The following GREM2 variants were observed in gnomAD, a reference collection of about 807,000 sequenced individuals.
GREM2 encodes the protein gremlin-2.
A neutral mutation model predicts 14.2 loss-of-function variants in GREM2; 11 were observed. That is an observed-to-expected ratio of 0.78 (90% CI 0.49 to 1.28). The LOEUF is 1.28. Ranked by LOEUF, GREM2 falls within the 50% of genes most tolerant of loss-of-function variation. The pLI, the probability that GREM2 is intolerant of heterozygous loss-of-function variation, is 0.00. For synonymous variants in GREM2, 98 were observed against 97.6 expected (o/e 1.00, Z -0.02); for missense variants, 210 against 218.5 (o/e 0.96, Z 0.24).
intron 1 of GREM2, among the ~76,000 whole-genome samples, chr1:240,598,091 CCAA>C (rs1430980768): frequency 6.6e-6 from 1 of 152,100 alleles, no homozygotes; most frequent in African/African-American, 2.4e-5. Context: ...CCTCAATTGG[CCAA>C]CGTTTTAATC....
At chr1:240,507,170 G>A (rs951878871) in intron 1 of GREM2, among the ~76,000 whole-genome samples, 4 of 152,192 alleles carry the variant, frequency 2.6e-5, no homozygotes, top group African/African-American at 9.6e-5. Flanking sequence ...AGCTCTGTGT[G>A]GGTAATAAGA....
chr1:240,609,491 G>A (rs1466963254), intron 1 of GREM2, among the ~76,000 whole-genome samples: 2 of 151,910 alleles, frequency 1.3e-5, no homozygotes, highest in Admixed American at 6.6e-5. Flanking sequence ...AGAAGAAGAT[G>A]GCACCATAGG....
At chr1:240,502,193 A>G (rs1462908930) in intron 1 of GREM2, among the ~76,000 whole-genome samples, 9 of 152,096 alleles carry the variant, frequency 5.9e-5, no homozygotes, top group Admixed American at 5.9e-4. Context: ...AAATGCTTTG[A>G]ACAAAATCAA....
At position 240,492,771 on chromosome 1, in the gene GREM2, G is replaced by A. The variant is rs1677288555; in HGVS notation, c.*198C>T. On this transcript the variant is annotated 3_prime_UTR_variant, in exon 2 of 2. Coordinates refer to ENST00000318160, the MANE Select transcript of GREM2 (RefSeq NM_022469.4). ...GGGGCACAGGTGGGACCCGGGGTCG[G>A]TCAGGAACACATCAGCAAAAGCTCC... is the stretch of plus-strand genomic sequence containing the variant. 4.2e-6 allele frequency: 2 copies of A among 472,034 alleles called. No individual in the cohort carries two copies. Among genetic ancestry groups the A allele is most frequent in the South Asian group, 2.0e-4 (2 of 10,204 alleles). The allele number at this position is 472,034 out of a possible 1,614,324, so 29.2% of individuals were successfully genotyped here.
Position 240,490,728 on chromosome 1 carries a change from C to T in GREM2, c.*2241G>A, listed in dbSNP as rs80184698. ...CAATTGGGTTCGAAGAGAGTGTGCTCGTGTTTGCATTCTGTAAGTTCTTAG... is the reference window on the plus strand; with the variant it reads ...CAATTGGGTTCGAAGAGAGTGTGCTTGTGTTTGCATTCTGTAAGTTCTTAG... On this transcript the variant is annotated 3_prime_UTR_variant, in exon 2 of 2. Coordinates refer to ENST00000318160, the MANE Select transcript of GREM2 (RefSeq NM_022469.4). 0.011 allele frequency: 1,734 copies of T among 152,236 alleles called. 63 individuals are homozygous for T. The highest frequency in any genetic ancestry group is 0.074 in the East Asian group (381 of 5,158). 9.4% of individuals were successfully genotyped at this position (152,236 alleles called of 1,614,324 possible).
chr1:240,533,045 C>A (rs1449292203), intron 1 of GREM2, among the ~76,000 whole-genome samples: 1 of 152,158 alleles, frequency 6.6e-6, no homozygotes, highest in Non-Finnish European at 1.5e-5. Flanking sequence ...GACTATGATA[C>A]AGAAACTACC....
At chr1:240,534,219 A>T (rs1042283987) in intron 1 of GREM2, among the ~76,000 whole-genome samples, 1 of 152,220 alleles carries the variant, frequency 6.6e-6, no homozygotes, top group Non-Finnish European at 1.5e-5. Flanking sequence ...GAGCAAAAAA[A>T]TAGAGCATAC....
intron 1 of GREM2, among the ~76,000 whole-genome samples, chr1:240,506,218 T>C (rs958638313): frequency 7.9e-5 from 12 of 152,194 alleles, no homozygotes; most frequent in African/African-American, 2.7e-4. Context: ...AAAAATTTTA[T>C]GTCCACATGA....
Position 240,610,748 on chromosome 1 carries a change from A to C in GREM2, c.-2+1136T>G, listed in dbSNP as rs143866855. Among the ~76,000 whole-genome samples the C allele has an allele frequency of 1.0e-3, 154 of 152,300 alleles. 1 individual carries two copies. Among genetic ancestry groups the C allele is most frequent in the African/African-American group, 3.5e-3 (146 of 41,568 alleles). On this transcript the variant is annotated intron_variant, in intron 1 of 1. Coordinates refer to ENST00000318160, the MANE Select transcript of GREM2 (RefSeq NM_022469.4). ...GTTTAGACGAAAGGTAAGGTATTTG[A>C]TTGCCCCTGCACCTGCTGCAGAGCC...
intron 1 of GREM2, among the ~76,000 whole-genome samples, chr1:240,514,074 T>C (rs962499220): frequency 2.6e-5 from 4 of 151,660 alleles, no homozygotes; most frequent in Non-Finnish European, 5.9e-5. Flanking sequence ...GGTGAAACTA[T>C]GCCTCTACAA....
chr1:240,491,152 A>G lies in GREM2; in HGVS notation c.*1817T>C, dbSNP rs1441856796. Reference sequence around the variant, plus strand: ...CAGAAATGACAGAAATGCACCTTGCAGTGCAGTGGCCTGAGATAGATTCAC... The same window carrying G: ...CAGAAATGACAGAAATGCACCTTGCGGTGCAGTGGCCTGAGATAGATTCAC... On this transcript the variant is annotated 3_prime_UTR_variant, in exon 2 of 2. Coordinates refer to ENST00000318160, the MANE Select transcript of GREM2 (RefSeq NM_022469.4). 6.6e-6 allele frequency: 1 copy of G among 152,232 alleles called. No homozygotes were observed. Among genetic ancestry groups the G allele is most frequent in the Non-Finnish European group, 1.5e-5 (1 of 68,068 alleles). The allele number at this position is 152,232 out of a possible 1,614,324, so 9.4% of individuals were successfully genotyped here.
intron 1 of GREM2, among the ~76,000 whole-genome samples, chr1:240,590,259 C>T (rs1474216684): frequency 6.6e-6 from 1 of 152,106 alleles, no homozygotes; most frequent in Non-Finnish European, 1.5e-5. Flanking sequence ...AGCTCTTTAC[C>T]TTGGCTGTGG....
chr1:240,542,829 C>T lies in GREM2; in HGVS notation c.-1-49353G>A, dbSNP rs1157332935. Among the ~76,000 whole-genome samples, 1 of 152,060 alleles carries T rather than the reference C, an allele frequency of 6.6e-6. No homozygotes were observed. Among genetic ancestry groups the T allele is most frequent in the Non-Finnish European group, 1.5e-5 (1 of 68,012 alleles). ...GACAAAGATACTGTAATGTTTTGTGCTTGGCAGGTTTTTATCTTGCAAGAT... is the reference window on the plus strand; with the variant it reads ...GACAAAGATACTGTAATGTTTTGTGTTTGGCAGGTTTTTATCTTGCAAGAT... On this transcript the variant is annotated intron_variant, in intron 1 of 1. Coordinates refer to ENST00000318160, the MANE Select transcript of GREM2 (RefSeq NM_022469.4). The surrounding 1 kb of genome is among the most constrained non-coding windows in gnomAD (Gnocchi z 4.1).
intron 1 of GREM2, among the ~76,000 whole-genome samples, chr1:240,546,603 C>T (rs1678725378): frequency 6.6e-6 from 1 of 152,186 alleles, no homozygotes; most frequent in Non-Finnish European, 1.5e-5. Context: ...GAACTAAATT[C>T]TGTAGAGGTA....
At chr1:240,577,550 C>T (rs1679396705) in intron 1 of GREM2, among the ~76,000 whole-genome samples, 1 of 152,068 alleles carries the variant, frequency 6.6e-6, no homozygotes, top group South Asian at 2.1e-4. Flanking sequence ...GGAGGTGGGC[C>T]TACAATTTAC....
chr1:240,590,264 C>T (rs1419378846), intron 1 of GREM2, among the ~76,000 whole-genome samples: 1 of 152,160 alleles, frequency 6.6e-6, no homozygotes, highest in African/African-American at 2.4e-5. Flanking sequence ...TTTACCTTGG[C>T]TGTGGCCCTG....
intron 1 of GREM2, among the ~76,000 whole-genome samples, chr1:240,528,920 G>C (rs889865278): frequency 4.6e-5 from 7 of 152,184 alleles, no homozygotes; most frequent in African/African-American, 1.7e-4. Flanking sequence ...ACATCCCCGA[G>C]AAAGGGCTCT....
chr1:240,491,866 T>C lies in GREM2; in HGVS notation c.*1103A>G, dbSNP rs928894005. The C allele has an allele frequency of 1.9e-5, 3 of 155,426 alleles. No homozygotes were observed. The highest frequency in any genetic ancestry group is 7.2e-5 in the African/African-American group (3 of 41,554). The allele number at this position is 155,426 out of a possible 1,614,324, so 9.6% of individuals were successfully genotyped here. A position where few individuals can be genotyped will look rare whatever the true frequency, so the allele number is the denominator to read the frequency against. On this transcript the variant is annotated 3_prime_UTR_variant, in exon 2 of 2. Transcript: ENST00000318160. ...ATTTCCCAACGAATGCCCTTCCCTA[T>C]ACCTATCCATCCCAAGCCAATTTCT...
At chr1:240,518,807 GCT>G (rs1678010650) in intron 1 of GREM2, among the ~76,000 whole-genome samples, 1 of 152,168 alleles carries the variant, frequency 6.6e-6, no homozygotes, top group Non-Finnish European at 1.5e-5. Flanking sequence ...GTGGCTTGGT[GCT>G]ACCAAACATC....
Sources: gnomAD v4.1 joint callset for allele counts (sites outside exome capture counted in the v4.1 genomes callset) on GRCh38, gnomAD v4.1.1 for gene constraint, Gnocchi (gnomAD v3.1) non-coding constraint, MANE v1.5 for transcripts, NCBI Gene and HGNC (gene_info 2026-07-23, HGNC 2026-07-21) for gene names.